The following KCNT2 variants were observed in gnomAD, a reference collection of about 807,000 sequenced individuals.
KCNT2 encodes potassium channel subfamily T member 2.
A neutral mutation model predicts 153.8 loss-of-function variants in KCNT2; 67 were observed. That is an observed-to-expected ratio of 0.44 (90% CI 0.36 to 0.53). The LOEUF (loss-of-function observed/expected upper bound fraction) is 0.53, where lower values mean the gene tolerates loss of function less well. Among genes scored for constraint, KCNT2 ranks in the 20% least tolerant of loss-of-function variants. The probability of loss-of-function intolerance (pLI) is 0.00; values close to 1 mark genes in which losing one functional copy is unlikely to be tolerated. For synonymous variants in KCNT2, 500 were observed against 458.8 expected, an observed-to-expected ratio of 1.09 and a Z score of -1.15; for missense variants, 975 against 1,354.8, an observed-to-expected ratio of 0.72 and a Z score of 4.40.
intron 1 of KCNT2, among the ~76,000 whole-genome samples, chr1:196,507,979 T>C (rs1283627384): frequency 1.3e-5 from 2 of 151,834 alleles, no homozygotes; most frequent in Non-Finnish European, 2.9e-5. Context: ...CTCTACTTGA[T>C]ATTAAGACTT....
chr1:196,356,239 T>C lies in KCNT2; in HGVS notation c.1404-14011A>G, dbSNP rs535184549. Among the ~76,000 whole-genome samples, 10 of 151,846 alleles carry C rather than the reference T, an allele frequency of 6.6e-5. No individual in the cohort carries two copies. The South Asian group carries it at 2.1e-3, about 31-fold the overall frequency. On this transcript the variant is annotated intron_variant, in intron 14 of 27. Transcript: ENST00000294725. Reference sequence around the variant, plus strand: ...GTAAAATAAAACCATTAGGGGAAATTTGTAATACATTCCAAATACATATAA... The same window carrying C: ...GTAAAATAAAACCATTAGGGGAAATCTGTAATACATTCCAAATACATATAA...
chr1:196,392,829 G>C (rs933371710), intron 13 of KCNT2, among the ~76,000 whole-genome samples: 19 of 151,334 alleles, frequency 1.3e-4, no homozygotes, highest in African/African-American at 4.6e-4. Flanking sequence ...AATGATACAT[G>C]TTTAAACAAT....
chr1:196,588,527 C>A (rs988246905), intron 1 of KCNT2, among the ~76,000 whole-genome samples: 1 of 151,932 alleles, frequency 6.6e-6, no homozygotes, highest in Admixed American at 6.6e-5. Context: ...TGCAAACATT[C>A]TGTTGAGATT....
At chr1:196,601,367 T>C (rs1187718916) in intron 1 of KCNT2, among the ~76,000 whole-genome samples, 1 of 152,232 alleles carries the variant, frequency 6.6e-6, no homozygotes, top group Non-Finnish European at 1.5e-5. Flanking sequence ...GCATATGTAT[T>C]TTTAAATCTA....
intron 5 of KCNT2, among the ~76,000 whole-genome samples, chr1:196,471,448 T>G (rs1051390013): frequency 3.9e-5 from 6 of 152,194 alleles, no homozygotes; most frequent in African/African-American, 1.4e-4. Context: ...AATAATATCA[T>G]TTCTTTCATC....
chr1:196,286,538 T>C lies in KCNT2; in HGVS notation c.2596-780A>G, dbSNP rs1311545850. Among the ~76,000 whole-genome samples the C allele has an allele frequency of 2.0e-5, 3 of 151,988 alleles. No homozygotes were observed. The East Asian group carries it at 5.8e-4, about 29-fold the overall frequency. On this transcript the variant is annotated intron_variant, in intron 22 of 27. Transcript: ENST00000294725. ...TTGTACATCCAGTAGTCTCTAGCTG[T>C]CCATCATCTTAGTTTCATTTCTCCA...
At chr1:196,283,011 A>C (rs1250369311) in intron 23 of KCNT2, among the ~76,000 whole-genome samples, 1 of 152,112 alleles carries the variant, frequency 6.6e-6, no homozygotes, top group African/African-American at 2.4e-5. Flanking sequence ...CGCCTGGCTA[A>C]TTTTTGTATT....
chr1:196,428,689 G>A (rs1538686), intron 9 of KCNT2, among the ~76,000 whole-genome samples: 74,248 of 151,894 alleles, frequency 0.49, 19,710 homozygotes, highest in Middle Eastern at 0.7. Flanking sequence ...AGCCATTAAC[G>A]GAGGAAAGTG....
chr1:196,388,792 T>C (rs1028174803), intron 13 of KCNT2, among the ~76,000 whole-genome samples: 14 of 151,808 alleles, frequency 9.2e-5, no homozygotes, highest in Non-Finnish European at 1.6e-4. Flanking sequence ...ATAGATTCAT[T>C]ACCATTTTTA....
chr1:196,264,921 A>T (rs1657390673), intron 25 of KCNT2, among the ~76,000 whole-genome samples: 1 of 152,096 alleles, frequency 6.6e-6, no homozygotes, highest in South Asian at 2.1e-4. Flanking sequence ...GTGAGCCACC[A>T]TGCCCAGCCC....
At chr1:196,385,791 A>T (rs900131805) in intron 13 of KCNT2, among the ~76,000 whole-genome samples, 7 of 149,964 alleles carry the variant, frequency 4.7e-5, no homozygotes, top group African/African-American at 9.8e-5. Flanking sequence ...ATATATATAT[A>T]TTTTGGATCT....
intron 19 of KCNT2, among the ~76,000 whole-genome samples, chr1:196,321,758 G>A (rs1022080260): frequency 8.6e-5 from 13 of 151,922 alleles, no homozygotes; most frequent in African/African-American, 3.1e-4. Flanking sequence ...TAGCATAATA[G>A]ATAGATTCAT....
chr1:196,356,272 A>G (rs1372747556), intron 14 of KCNT2, among the ~76,000 whole-genome samples: 1 of 151,754 alleles, frequency 6.6e-6, no homozygotes, highest in Non-Finnish European at 1.5e-5. Flanking sequence ...TAAAAGCAAT[A>G]TTAAATTTCA....
At position 196,544,608 on chromosome 1, in the gene KCNT2, A is replaced by T. The variant is rs148382205; in HGVS notation, c.96-52267T>A. 4.9e-3 allele frequency among the ~76,000 whole-genome samples: 740 copies of T among 152,296 alleles called. 3 individuals are homozygous for T. Among genetic ancestry groups the T allele is most frequent in the African/African-American group, 0.016 (673 of 41,574 alleles). On this transcript the variant is annotated intron_variant, in intron 1 of 27. Coordinates refer to ENST00000294725, the MANE Select transcript of KCNT2 (RefSeq NM_198503.5). The stretch of plus-strand genomic sequence containing the variant: ...GAAGGATGAAAGGGCAATATGGGAA[A>T]ATTTAGACTTGGAAACTGGAAACAA...
At chr1:196,571,474 T>C (rs1459744935) in intron 1 of KCNT2, among the ~76,000 whole-genome samples, 1 of 152,148 alleles carries the variant, frequency 6.6e-6, no homozygotes, top group Non-Finnish European at 1.5e-5. Context: ...CCCTTTCATG[T>C]GCAATTTTTG....
intron 1 of KCNT2, among the ~76,000 whole-genome samples, chr1:196,529,209 A>G (rs951587802): frequency 6.6e-6 from 1 of 152,170 alleles, no homozygotes; most frequent in Non-Finnish European, 1.5e-5. Context: ...TCTCTTGTTG[A>G]TCATTAAAAG....
At chr1:196,465,513 T>C (rs1677534364) in intron 7 of KCNT2, 126 bp from the exon 8 acceptor site, 1 of 628,302 alleles carries the variant, frequency 1.6e-6, no homozygotes, top group Non-Finnish European at 2.8e-6. Flanking sequence ...TGTAAATACA[T>C]GTATTTCAAA....
intron 26 of KCNT2, among the ~76,000 whole-genome samples, chr1:196,246,224 C>A (rs1388680588): frequency 1.3e-5 from 2 of 152,012 alleles, no homozygotes; most frequent in Admixed American, 6.6e-5. Flanking sequence ...TACTTGTATC[C>A]TAGAATAGGA....
chr1:196,390,136 G>T (rs571595760), intron 13 of KCNT2, among the ~76,000 whole-genome samples: 1 of 151,268 alleles, frequency 6.6e-6, no homozygotes, highest in Admixed American at 6.6e-5. Context: ...AACATTACTT[G>T]TGTACTTGCA....
Sources: gnomAD v4.1 joint callset for allele counts (sites outside exome capture counted in the v4.1 genomes callset) on GRCh38, gnomAD v4.1.1 for gene constraint, MANE v1.5 for transcripts, NCBI Gene and HGNC (gene_info 2026-07-23, HGNC 2026-07-21) for gene names.